ACTR3C: variants seen among roughly 807,000 people sequenced by gnomAD.
The protein encoded by ACTR3C is actin related protein 3C, also known as actin-related protein 3C.
In ACTR3C, 18 loss-of-function variants were observed where a neutral mutation model predicts 26.3. The ratio of observed to expected loss-of-function variants is 0.68; its 90% confidence interval spans 0.47 to 1.01. ACTR3C has a LOEUF of 1.01. ACTR3C is among the 50% of genes least tolerant of loss of function. The pLI, the probability that ACTR3C is intolerant of heterozygous loss-of-function variation, is 0.00. For synonymous variants in ACTR3C, 55 were observed against 94.5 expected (o/e 0.58, Z 2.42); for missense variants, 184 against 250.7 (o/e 0.73, Z 1.80).
At chr7:150,313,586 A>AG (rs941408584) in intron 1 of ACTR3C, among the ~76,000 whole-genome samples, 1 of 152,082 alleles carries the variant, frequency 6.6e-6, no homozygotes, top group Non-Finnish European at 1.5e-5. Flanking sequence ...TCAAGAAGGG[A>AG]GGGGGGTACA....
rs187902051 is a variant in ACTR3C, at chr7:150,256,672, C to T, written c.565-7618G>A. 1.5e-3 allele frequency among the ~76,000 whole-genome samples: 235 copies of T among 152,080 alleles called. 1 individual carries two copies. Among genetic ancestry groups the T allele is most frequent in the African/African-American group, 5.4e-3 (226 of 41,496 alleles). ...TGTTGTCTACTATGCTCACTACCCG[C>T]GTGACAAAATCATTTGTACACCAAA... On this transcript the variant is annotated intron_variant, in intron 6 of 7. Coordinates refer to ENST00000683684, the MANE Select transcript of ACTR3C (RefSeq NM_001164458.2).
chr7:150,158,683 C>T, the ACTR3C span, among the ~76,000 whole-genome samples: 17 of 152,320 alleles, frequency 1.1e-4, no homozygotes, highest in African/African-American at 4.1e-4. Flanking sequence ...TCAAAGGGTA[C>T]AACCTTGCAG....
chr7:150,185,751 A>T, the ACTR3C span, among the ~76,000 whole-genome samples: 1 of 151,926 alleles, frequency 6.6e-6, no homozygotes, highest in Non-Finnish European at 1.5e-5. Flanking sequence ...TATGCCTGAC[A>T]TCTCTCACAT....
chr7:149,967,892 G>A, the ACTR3C span, among the ~76,000 whole-genome samples: 17 of 152,034 alleles, frequency 1.1e-4, no homozygotes, highest in African/African-American at 2.7e-4. Context: ...GGGGTGTGTC[G>A]GGGGGTGGCG....
chr7:149,930,985 C>T, the ACTR3C span, among the ~76,000 whole-genome samples: 1,125 of 152,310 alleles, frequency 7.4e-3, 16 homozygotes, highest in Admixed American at 0.034. Context: ...TCTGCCTCAG[C>T]CTCCCAAGTA....
the ACTR3C span, among the ~76,000 whole-genome samples, chr7:150,033,666 TG>T: frequency 2.0e-5 from 3 of 147,164 alleles, no homozygotes; most frequent in African/African-American, 7.5e-5. Context: ...TCTCAGTCCC[TG>T]CCTCGCGGGG....
chr7:150,286,287 T>C (rs1835763769), intron 5 of ACTR3C, 80 bp downstream of exon 5: 3 of 1,483,816 alleles, frequency 2.0e-6, no homozygotes, highest in Non-Finnish European at 1.8e-6. Flanking sequence ...GGCCCTTCGC[T>C]GGGAACTGCT....
chr7:150,194,347 CAA>C, the ACTR3C span, among the ~76,000 whole-genome samples: 1 of 147,122 alleles, frequency 6.8e-6, no homozygotes, highest in Non-Finnish European at 1.5e-5. Context: ...TTATCAGAGG[CAA>C]AAGTCTTTTA....
At chr7:150,256,580 G>A (rs1584847639) in intron 6 of ACTR3C, among the ~76,000 whole-genome samples, 1 of 152,186 alleles carries the variant, frequency 6.6e-6, no homozygotes, top group Admixed American at 6.5e-5. Context: ...ACAAAGATGG[G>A]ACCAATAGAC....
the ACTR3C span, among the ~76,000 whole-genome samples, chr7:150,125,760 C>T: frequency 1.3e-5 from 2 of 152,060 alleles, no homozygotes. Flanking sequence ...TTAGTATTTG[C>T]TAAGTAAAGA....
chr7:150,119,152 A>G, the ACTR3C span, among the ~76,000 whole-genome samples: 1 of 152,216 alleles, frequency 6.6e-6, no homozygotes, highest in Non-Finnish European at 1.5e-5. Flanking sequence ...TGTAAAGACC[A>G]TCGACACTAT....
intron 6 of ACTR3C, among the ~76,000 whole-genome samples, chr7:150,260,724 C>G (rs1833577118): frequency 6.6e-6 from 1 of 152,186 alleles, no homozygotes; most frequent in Non-Finnish European, 1.5e-5. Flanking sequence ...GGAAGCTGTG[C>G]TTACCATCAT....
the ACTR3C span, among the ~76,000 whole-genome samples, chr7:149,996,356 G>T: frequency 6.7e-6 from 1 of 150,272 alleles, no homozygotes; most frequent in Admixed American, 6.7e-5. Flanking sequence ...GCATGACGGG[G>T]GATGGGGCGA....
rs530463503 is a variant in ACTR3C, at chr7:150,305,442, C to T, written c.-51-10095G>A. On this transcript the variant is annotated intron_variant, in intron 1 of 7. Coordinates refer to ENST00000683684, the MANE Select transcript of ACTR3C (RefSeq NM_001164458.2). ...TCTCCCTAAAACACAAAACTGGCCACGTGGCTCTCACTGTCTACACTGTGC... is the reference window on the plus strand; with the variant it reads ...TCTCCCTAAAACACAAAACTGGCCATGTGGCTCTCACTGTCTACACTGTGC... Among the ~76,000 whole-genome samples the T allele has an allele frequency of 5.3e-5, 8 of 152,166 alleles. No homozygotes were observed. The East Asian group carries it at 1.6e-3, about 29-fold the overall frequency.
chr7:150,299,018 T>A lies in ACTR3C; in HGVS notation c.-51-3671A>T, dbSNP rs373250404. Among the ~76,000 whole-genome samples, 19 of 137,792 alleles carry A rather than the reference T, an allele frequency of 1.4e-4. No individual in the cohort carries two copies. In the East Asian group the frequency reaches 3.8e-3, roughly 28 times the overall value. 90.4% of individuals were successfully genotyped at this position (137,792 alleles called of 152,430 possible). A position where few individuals can be genotyped will look rare whatever the true frequency, so the allele number is the denominator to read the frequency against. On this transcript the variant is annotated intron_variant, in intron 1 of 7. Coordinates refer to ENST00000683684, the MANE Select transcript of ACTR3C (RefSeq NM_001164458.2). The stretch of plus-strand genomic sequence containing the variant: ...TTTTTTGAGACAGAGTCTCACTCTG[T>A]CAACCAGGCTCAAGTGCAGTAGCCC...
the ACTR3C span, among the ~76,000 whole-genome samples, chr7:150,174,803 T>G: frequency 6.7e-6 from 1 of 148,312 alleles, no homozygotes; most frequent in African/African-American, 2.6e-5. Context: ...CCTAAGCACT[T>G]AAGAAATAAA....
At chr7:150,221,904 G>T in the ACTR3C span, among the ~76,000 whole-genome samples, 3,749 of 150,556 alleles carry the variant, frequency 0.025, 167 homozygotes, top group African/African-American at 0.088. Context: ...AGGCTGAGGC[G>T]AGAGAATGGC....
At chr7:149,938,709 A>G in the ACTR3C span, among the ~76,000 whole-genome samples, 1 of 152,088 alleles carries the variant, frequency 6.6e-6, no homozygotes, top group Non-Finnish European at 1.5e-5. Context: ...AGGTCTCTAA[A>G]TTAATAGTCT....
the ACTR3C span, among the ~76,000 whole-genome samples, chr7:149,915,889 G>A: frequency 2.0e-5 from 3 of 150,134 alleles, no homozygotes; most frequent in Non-Finnish European, 4.4e-5. Flanking sequence ...TCAAAATAGA[G>A]GATATATTAA....
Sources: gnomAD v4.1 joint callset for allele counts (sites outside exome capture counted in the v4.1 genomes callset) on GRCh38, gnomAD v4.1.1 for gene constraint, MANE v1.5 for transcripts, NCBI Gene and HGNC (gene_info 2026-07-23, HGNC 2026-07-21) for gene names.